Variants in STARD13 observed in about 807,000 individuals in gnomAD.
STARD13 encodes the protein StAR related lipid transfer domain containing 13, also known as stAR-related lipid transfer protein 13.
A neutral mutation model predicts 106.4 loss-of-function variants in STARD13; 62 were observed. The ratio of observed to expected loss-of-function variants is 0.58; its 90% CI spans 0.48 to 0.72. STARD13 has a LOEUF of 0.72. Among genes scored for constraint, STARD13 ranks in the 30% least tolerant of loss-of-function variants. STARD13 has a pLI of 0.00. For synonymous variants in STARD13, 565 were observed against 553.0 expected, an observed-to-expected ratio of 1.02 and a Z score of -0.31; for missense variants, 1,387 against 1,424.0, an observed-to-expected ratio of 0.97 and a Z score of 0.42.
the STARD13 span, among the ~76,000 whole-genome samples, chr13:33,548,747 T>C: frequency 1.3e-5 from 2 of 152,176 alleles, no homozygotes; most frequent in Non-Finnish European, 2.9e-5. Flanking sequence ...AAGATAATTA[T>C]AAACACTGAG....
At chr13:33,182,649 G>A (rs1885351259) in intron 1 of STARD13, among the ~76,000 whole-genome samples, 1 of 152,234 alleles carries the variant, frequency 6.6e-6, no homozygotes, top group Non-Finnish European at 1.5e-5. Flanking sequence ...ACAAATTTGT[G>A]TTGGGCCACA....
At chr13:33,636,981 G>A in the STARD13 span, among the ~76,000 whole-genome samples, 813 of 152,222 alleles carry the variant, frequency 5.3e-3, 5 homozygotes, top group Non-Finnish European at 8.5e-3. Flanking sequence ...GCCTCCTTTT[G>A]GAAGTAGAGT....
chr13:33,379,443 A>T, the STARD13 span, among the ~76,000 whole-genome samples: 1 of 152,182 alleles, frequency 6.6e-6, no homozygotes, highest in Non-Finnish European at 1.5e-5. Flanking sequence ...TTATACTTTC[A>T]TGTTTGTTCT....
At chr13:33,298,015 C>T (rs1300123446) in intron 1 of STARD13, among the ~76,000 whole-genome samples, 2 of 151,984 alleles carry the variant, frequency 1.3e-5, no homozygotes, top group Non-Finnish European at 2.9e-5. Context: ...AAATCCATTC[C>T]TTATTACATG....
At chr13:33,537,289 T>C in the STARD13 span, among the ~76,000 whole-genome samples, 2 of 152,266 alleles carry the variant, frequency 1.3e-5, no homozygotes, top group Non-Finnish European at 2.9e-5. Flanking sequence ...AGCAGAAATC[T>C]GGAAATGTTG....
At position 33,121,966 on chromosome 13, in the gene STARD13, C is replaced by A. The variant is rs1348160106; in HGVS notation, c.2083-3703G>T. Among the ~76,000 whole-genome samples, 3 of 152,094 alleles carry A rather than the reference C, an allele frequency of 2.0e-5. No individual in the cohort carries two copies. In the East Asian group the frequency reaches 5.8e-4, roughly 29 times the overall value. Reference sequence around the variant, plus strand: ...GTTCAAGCAATTCTCCTGCCTCAGCCCCCTGAGTAGCTGGGATTACAGGCA... The same window carrying A: ...GTTCAAGCAATTCTCCTGCCTCAGCACCCTGAGTAGCTGGGATTACAGGCA... On this transcript the variant is annotated intron_variant, in intron 7 of 13. Transcript: ENST00000336934.
At chr13:33,367,577 G>A in the STARD13 span, among the ~76,000 whole-genome samples, 7 of 152,092 alleles carry the variant, frequency 4.6e-5, no homozygotes, top group Non-Finnish European at 7.3e-5. Flanking sequence ...ACCCCCAGCA[G>A]TAAGCTCCTT....
chr13:33,245,923 C>A (rs1889804397), intron 1 of STARD13, among the ~76,000 whole-genome samples: 1 of 152,130 alleles, frequency 6.6e-6, no homozygotes, highest in Non-Finnish European at 1.5e-5. Flanking sequence ...AGGCCAGATT[C>A]TACTTTTAAA....
chr13:33,529,651 A>T, the STARD13 span, among the ~76,000 whole-genome samples: 1 of 152,326 alleles, frequency 6.6e-6, no homozygotes, highest in South Asian at 2.1e-4. Context: ...CAAAGTATGT[A>T]CAAAACGATA....
the STARD13 span, among the ~76,000 whole-genome samples, chr13:33,578,688 A>G: frequency 2.0e-5 from 3 of 152,188 alleles, no homozygotes; most frequent in Non-Finnish European, 4.4e-5. Flanking sequence ...GCACAGCAAA[A>G]GAAATAATCA....
At chr13:33,432,882 A>G in the STARD13 span, among the ~76,000 whole-genome samples, 1 of 152,200 alleles carries the variant, frequency 6.6e-6, no homozygotes, top group African/African-American at 2.4e-5. Flanking sequence ...TATAGAATCT[A>G]AAAAAATGAA....
Position 33,215,467 on chromosome 13 carries a change from T to C in STARD13, c.170-47845A>G, listed in dbSNP as rs1006377150. 2.0e-5 allele frequency among the ~76,000 whole-genome samples: 3 copies of C among 152,236 alleles called. 1 individual carries two copies. The highest frequency in any genetic ancestry group is 2.0e-4 in the Admixed American group (3 of 15,278). On this transcript the variant is annotated intron_variant, in intron 1 of 13. Coordinates refer to ENST00000336934, the MANE Select transcript of STARD13 (RefSeq NM_178006.4). ...TTTGTAATATAGCAAATGACTTATT[T>C]TTTACACTGAAAACTTTTTTTACTC... is the stretch of plus-strand genomic sequence containing the variant.
chr13:33,163,650 AT>A (rs1882948368), intron 3 of STARD13, among the ~76,000 whole-genome samples: 1 of 133,354 alleles, frequency 7.5e-6, no homozygotes, highest in Admixed American at 8.1e-5. Context: ...ACATATATAT[AT>A]ATAAAACATA....
At chr13:33,621,478 C>A in the STARD13 span, among the ~76,000 whole-genome samples, 2 of 151,850 alleles carry the variant, frequency 1.3e-5, no homozygotes, top group South Asian at 4.2e-4. Flanking sequence ...GAGGTCAAGA[C>A]CATCCTGGCT....
intron 3 of STARD13, among the ~76,000 whole-genome samples, chr13:33,147,263 T>A (rs887261724): frequency 1.3e-5 from 2 of 152,194 alleles, no homozygotes; most frequent in African/African-American, 2.4e-5. Context: ...CCTAGGAATC[T>A]AGAAGGCCAA....
At chr13:33,597,570 G>A in the STARD13 span, among the ~76,000 whole-genome samples, 1 of 151,998 alleles carries the variant, frequency 6.6e-6, no homozygotes, top group African/African-American at 2.4e-5. Context: ...TTGCAACCAG[G>A]CGCGGTGGCT....
intron 1 of STARD13, among the ~76,000 whole-genome samples, chr13:33,327,738 G>A (rs538597820): frequency 6.6e-6 from 1 of 152,188 alleles, no homozygotes; most frequent in African/African-American, 2.4e-5. Context: ...TTTAAAAAGA[G>A]GGTGAAATTT....
the STARD13 span, among the ~76,000 whole-genome samples, chr13:33,556,872 G>A: frequency 1.4e-4 from 22 of 152,060 alleles, no homozygotes; most frequent in Non-Finnish European, 2.8e-4. Context: ...TCCCACCTCA[G>A]CCTCCCAAGT....
At chr13:33,212,937 T>C (rs1165164859) in intron 1 of STARD13, among the ~76,000 whole-genome samples, 1 of 152,242 alleles carries the variant, frequency 6.6e-6, no homozygotes, top group Non-Finnish European at 1.5e-5. Flanking sequence ...CAAACCATCA[T>C]GTTTTTAGAT....
Sources: allele counts gnomAD v4.1 joint callset (sites outside exome capture counted in the v4.1 genomes callset), GRCh38; gene constraint gnomAD v4.1.1; transcripts MANE v1.5; gene names NCBI Gene and HGNC (gene_info 2026-07-23, HGNC 2026-07-21).